FAM13A: variants seen among roughly 807,000 people sequenced by gnomAD.
FAM13A encodes family with sequence similarity 13 member A, also known as protein FAM13A.
FAM13A carries 76 observed loss-of-function variants against 129.6 expected under a neutral mutation model. The ratio of observed to expected loss-of-function variants is 0.59; its 90% CI spans 0.49 to 0.71. The LOEUF is 0.71. FAM13A is among the 30% of genes least tolerant of loss of function. The probability of loss-of-function intolerance (pLI) is 0.00; values close to 1 mark genes in which losing one functional copy is unlikely to be tolerated. For synonymous variants in FAM13A, 443 were observed against 449.9 expected, an observed-to-expected ratio of 0.98 and a Z score of 0.20; for missense variants, 1,108 against 1,249.3, an observed-to-expected ratio of 0.89 and a Z score of 1.70.
intron 6 of FAM13A, among the ~76,000 whole-genome samples, chr4:88,880,783 C>CGGGGGGGGGGGGGGGGGG (rs70959631): frequency 3.3e-5 from 1 of 30,054 alleles, no homozygotes; most frequent in African/African-American, 1.6e-4. Context: ...CGGTGGGGGG[C>CGGGGGGGGGGGGGGGGGG]GGGGGGGGGG....
chr4:88,853,864 C>G (rs1183745477), intron 6 of FAM13A, among the ~76,000 whole-genome samples: 2 of 152,194 alleles, frequency 1.3e-5, no homozygotes, highest in African/African-American at 4.8e-5. Flanking sequence ...AGTGTTCAAG[C>G]CTCCATCTTT....
chr4:88,840,203 T>C (rs1025196304), intron 7 of FAM13A, among the ~76,000 whole-genome samples: 24 of 152,192 alleles, frequency 1.6e-4, no homozygotes, highest in African/African-American at 5.8e-4. Flanking sequence ...TGCTGAGAGA[T>C]AGAGTAAGAT....
At chr4:88,848,863 T>C (rs7687342) in intron 7 of FAM13A, among the ~76,000 whole-genome samples, 4,415 of 152,300 alleles carry the variant, frequency 0.029, 91 homozygotes, top group African/African-American at 0.047. Context: ...TCCCCTACAT[T>C]CTACATTGTA....
At chr4:88,968,070 A>T (rs1291751051) in intron 4 of FAM13A, among the ~76,000 whole-genome samples, 1 of 152,202 alleles carries the variant, frequency 6.6e-6, no homozygotes, top group Non-Finnish European at 1.5e-5. Flanking sequence ...AGTAGTTAGA[A>T]AGGTTTGTTG....
intron 2 of FAM13A, among the ~76,000 whole-genome samples, chr4:89,025,801 C>T (rs868589534): frequency 6.6e-6 from 1 of 152,026 alleles, no homozygotes; most frequent in Non-Finnish European, 1.5e-5. Flanking sequence ...AACACACAGA[C>T]GCATACTTAT....
chr4:89,015,929 T>C (rs958786590), intron 3 of FAM13A, among the ~76,000 whole-genome samples: 1 of 152,118 alleles, frequency 6.6e-6, no homozygotes, highest in Non-Finnish European at 1.5e-5. Flanking sequence ...TATATACGTG[T>C]ATGTTAATTA....
At chr4:88,914,512 A>G (rs1231371632) in intron 5 of FAM13A, among the ~76,000 whole-genome samples, 1 of 152,042 alleles carries the variant, frequency 6.6e-6, no homozygotes, top group African/African-American at 2.4e-5. Context: ...TGCCCTTCTT[A>G]TTCCTTCTCC....
intron 9 of FAM13A, among the ~76,000 whole-genome samples, chr4:88,789,743 G>A (rs549316754): frequency 3.9e-5 from 6 of 152,130 alleles, no homozygotes; most frequent in Non-Finnish European, 7.4e-5. Context: ...AAAACATTGA[G>A]TAAAGTGGTG....
chr4:88,746,230 C>A (rs1397983235), intron 19 of FAM13A, among the ~76,000 whole-genome samples: 4 of 152,090 alleles, frequency 2.6e-5, no homozygotes, highest in East Asian at 1.9e-4. Context: ...ACATTATGAA[C>A]AAAAGGTTAT....
chr4:88,871,257 CT>C (rs1354236464), intron 6 of FAM13A, among the ~76,000 whole-genome samples: 1 of 152,212 alleles, frequency 6.6e-6, no homozygotes, highest in Non-Finnish European at 1.5e-5. Context: ...ATCACAGCTC[CT>C]TGGCAGCAAA....
chr4:88,738,029 G>A (rs774545981), intron 20 of FAM13A, among the ~76,000 whole-genome samples: 2 of 152,154 alleles, frequency 1.3e-5, no homozygotes, highest in African/African-American at 4.8e-5. Context: ...AGATCTAATC[G>A]TTTTATTTGT....
At chr4:88,881,348 A>G (rs1029862827) in intron 6 of FAM13A, among the ~76,000 whole-genome samples, 3 of 152,208 alleles carry the variant, frequency 2.0e-5, no homozygotes, top group African/African-American at 7.2e-5. Flanking sequence ...TGGTAGCTCC[A>G]CTGGGTGGCT....
intron 7 of FAM13A, among the ~76,000 whole-genome samples, chr4:88,815,091 C>A (rs1418410588): frequency 2.6e-5 from 4 of 152,256 alleles, no homozygotes; most frequent in African/African-American, 9.6e-5. Context: ...GATCCTCCTG[C>A]CTCTGCCTAC....
intron 3 of FAM13A, among the ~76,000 whole-genome samples, chr4:89,005,242 G>A (rs1441497388): frequency 6.6e-6 from 1 of 152,124 alleles, no homozygotes; most frequent in Non-Finnish European, 1.5e-5. Flanking sequence ...TGAAAGACAT[G>A]TTCTTGTTCT....
chr4:89,008,598 G>A (rs142959030), intron 3 of FAM13A, among the ~76,000 whole-genome samples: 2 of 152,158 alleles, frequency 1.3e-5, no homozygotes, highest in Admixed American at 6.6e-5. Flanking sequence ...AAAAGGCTAG[G>A]CTTTGGAGCC....
chr4:88,906,030 G>A (rs1440818860), intron 6 of FAM13A, among the ~76,000 whole-genome samples: 1 of 152,180 alleles, frequency 6.6e-6, no homozygotes, highest in Non-Finnish European at 1.5e-5. Flanking sequence ...GCTCACGCCT[G>A]TAATCCCAGC....
chr4:88,743,809 T>G (rs1460976302), intron 19 of FAM13A, among the ~76,000 whole-genome samples: 1 of 152,212 alleles, frequency 6.6e-6, no homozygotes, highest in African/African-American at 2.4e-5. Context: ...TTATGAACAG[T>G]GTCATAGAAA....
chr4:88,888,875 G>A (rs536612260), intron 6 of FAM13A, among the ~76,000 whole-genome samples: 2 of 150,590 alleles, frequency 1.3e-5, no homozygotes, highest in East Asian at 3.9e-4. Context: ...GGCGGAGCTT[G>A]CAGTGAGCCG....
intron 6 of FAM13A, among the ~76,000 whole-genome samples, chr4:88,866,302 T>G (rs967664172): frequency 2.6e-5 from 4 of 152,154 alleles, no homozygotes; most frequent in African/African-American, 9.7e-5. Context: ...CATCTCAGCC[T>G]CCCAAAGTGC....
Sources: allele counts gnomAD v4.1 joint callset (sites outside exome capture counted in the v4.1 genomes callset), GRCh38; gene constraint gnomAD v4.1.1; transcripts MANE v1.5; gene names NCBI Gene and HGNC (gene_info 2026-07-23, HGNC 2026-07-21).